Variants in CELF2 observed in about 807,000 individuals in gnomAD.
The protein encoded by CELF2 is CUGBP Elav-like family member 2, also known as CUG triplet repeat RNA-binding protein 2.
CELF2 carries 8 observed loss-of-function variants against 62.6 expected under a neutral mutation model. That is an observed-to-expected ratio of 0.13 (90% confidence interval 0.07 to 0.23). The LOEUF is 0.23. Among genes scored for constraint, CELF2 ranks in the 10% least tolerant of loss-of-function variants. The pLI is 1.00. For missense variants in CELF2, 333 were observed against 671.0 expected (o/e 0.50, Z 5.56); for synonymous variants, 258 against 250.0 (o/e 1.03, Z -0.30).
At chr10:11,028,671 G>C (rs1368951197) in intron 1 of CELF2, among the ~76,000 whole-genome samples, 1 of 145,896 alleles carries the variant, frequency 6.9e-6, no homozygotes, top group Non-Finnish European at 1.5e-5. Context: ...CACCTGCCTT[G>C]GCTTCCCAAA....
At chr10:10,791,137 A>G in the CELF2 span, among the ~76,000 whole-genome samples, 1 of 152,206 alleles carries the variant, frequency 6.6e-6, no homozygotes, top group African/African-American at 2.4e-5. Flanking sequence ...CTTTCTACTT[A>G]CAACTCTGTC....
chr10:11,228,475 A>T (rs1238810872), intron 3 of CELF2, among the ~76,000 whole-genome samples: 2 of 152,218 alleles, frequency 1.3e-5, no homozygotes. Context: ...AGTATCTTTT[A>T]TGGGTAATAA....
At chr10:10,467,883 A>G in the CELF2 span, among the ~76,000 whole-genome samples, 4 of 152,098 alleles carry the variant, frequency 2.6e-5, no homozygotes, top group Admixed American at 2.0e-4. Context: ...TGTAAACTTT[A>G]TTTCTCAACA....
rs534164651 is a variant in CELF2, at chr10:11,237,978, C to T, written c.355-11175C>T. ...AATGAGCCACCAGGTAATTAAACCA[C>T]GCCTTTAGTCGCCTTTAATGGCCAG... is the stretch of plus-strand genomic sequence containing the variant. On this transcript the variant is annotated intron_variant, in intron 3 of 12. Transcript: ENST00000633077. This position sits in a 1 kb window ranked among gnomAD's most constrained non-coding sequence, Gnocchi z 4.0. 3.3e-5 allele frequency among the ~76,000 whole-genome samples: 5 copies of T among 152,322 alleles called. No homozygotes were observed. Among genetic ancestry groups the T allele is most frequent in the Admixed American group, 6.5e-5 (1 of 15,304 alleles).
chr10:10,726,865 G>A, the CELF2 span, among the ~76,000 whole-genome samples: 2 of 152,316 alleles, frequency 1.3e-5, no homozygotes, highest in East Asian at 1.9e-4. Flanking sequence ...GAGAAAAGAG[G>A]TTTAATTGGC....
At chr10:10,495,981 A>G in the CELF2 span, among the ~76,000 whole-genome samples, 6 of 152,258 alleles carry the variant, frequency 3.9e-5, no homozygotes, top group African/African-American at 1.2e-4. Flanking sequence ...AACATTTATT[A>G]TAATGTAAGT....
chr10:10,885,383 T>C (rs1330485977), intron 1 of CELF2, among the ~76,000 whole-genome samples: 1 of 151,880 alleles, frequency 6.6e-6, no homozygotes, highest in Non-Finnish European at 1.5e-5. Context: ...TTAAAAATTA[T>C]GTGAGAAATA....
At chr10:10,608,281 C>G in the CELF2 span, among the ~76,000 whole-genome samples, 1 of 152,162 alleles carries the variant, frequency 6.6e-6, no homozygotes, top group Non-Finnish European at 1.5e-5. Context: ...CAAGGAGCTG[C>G]TTGAATGAGA....
intron 2 of CELF2, among the ~76,000 whole-genome samples, chr10:10,963,475 G>A (rs2049780509): frequency 6.6e-6 from 1 of 152,176 alleles, no homozygotes; most frequent in South Asian, 2.1e-4. Flanking sequence ...GACGGTTAGA[G>A]CTTTCCGTGA....
intron 2 of CELF2, among the ~76,000 whole-genome samples, chr10:10,941,632 T>C (rs1055101553): frequency 1.3e-5 from 2 of 152,136 alleles, no homozygotes; most frequent in African/African-American, 4.8e-5. Context: ...GTCTCTTCCA[T>C]TTACTCAGTT....
At chr10:11,034,036 T>C (rs981787221) in intron 1 of CELF2, among the ~76,000 whole-genome samples, 1 of 152,240 alleles carries the variant, frequency 6.6e-6, no homozygotes, top group Non-Finnish European at 1.5e-5. Context: ...CTAAGTCTCA[T>C]ATAATGTGCT....
In CELF2 at chr10:11,319,749, A is replaced by G; in HGVS notation, c.1097-1440A>G. On this transcript the variant is annotated intron_variant, in intron 10 of 12. Coordinates refer to ENST00000633077, the MANE Select transcript of CELF2 (RefSeq NM_001326342.2). This position sits in a 1 kb window ranked among gnomAD's most constrained non-coding sequence, Gnocchi z 4.4. ...ACAGGAATACCCGAGGTGAGGCACA[A>G]TGACAGTCCTCCACTGTTAAGCTAT... 2.1e-6 allele frequency: 1 copy of G among 470,942 alleles called. No homozygotes were observed. Among genetic ancestry groups the G allele is most frequent in the South Asian group, 1.5e-5 (1 of 64,540 alleles). The allele number at this position is 470,942 out of a possible 1,614,324, so 29.2% of individuals were successfully genotyped here.
At chr10:11,158,214 C>T (rs2064949473) in intron 1 of CELF2, among the ~76,000 whole-genome samples, 3 of 152,148 alleles carry the variant, frequency 2.0e-5, no homozygotes, top group African/African-American at 7.2e-5. Flanking sequence ...CAGCCATTGG[C>T]AGGTAAGTCA....
chr10:10,704,840 C>T, the CELF2 span, among the ~76,000 whole-genome samples: 1 of 151,918 alleles, frequency 6.6e-6, no homozygotes, highest in South Asian at 2.1e-4. Context: ...TTAGAATGCT[C>T]ACCCACCCCA....
At chr10:10,744,360 C>A in the CELF2 span, among the ~76,000 whole-genome samples, 2 of 152,220 alleles carry the variant, frequency 1.3e-5, no homozygotes, top group Non-Finnish European at 2.9e-5. Flanking sequence ...ATCTTTAGGT[C>A]ATAAATTAAC....
At chr10:10,884,340 A>G (rs908613098) in intron 1 of CELF2, among the ~76,000 whole-genome samples, 4 of 152,174 alleles carry the variant, frequency 2.6e-5, no homozygotes, top group African/African-American at 9.7e-5. Flanking sequence ...CCACTGTCAG[A>G]AGTGGTTTGG....
At chr10:10,945,589 A>T (rs201064) in intron 2 of CELF2, among the ~76,000 whole-genome samples, 83,541 of 152,112 alleles carry the variant, frequency 0.55, 24,920 homozygotes, top group East Asian at 0.8. Context: ...GGTGAAATCC[A>T]TGTTTAGCCA....
intron 2 of CELF2, among the ~76,000 whole-genome samples, chr10:11,179,495 G>A (rs1455482739): frequency 1.3e-5 from 2 of 152,172 alleles, no homozygotes; most frequent in African/African-American, 2.4e-5. Context: ...CAGATTGAAC[G>A]AATGAAGTAA....
At chr10:10,532,208 G>A in the CELF2 span, among the ~76,000 whole-genome samples, 6 of 152,204 alleles carry the variant, frequency 3.9e-5, no homozygotes, top group African/African-American at 1.2e-4. Context: ...TTCATTTGAC[G>A]CTACTGTAAA....
Sources: allele counts gnomAD v4.1 joint callset (sites outside exome capture counted in the v4.1 genomes callset), GRCh38; gene constraint gnomAD v4.1.1; non-coding constraint Gnocchi (gnomAD v3.1); transcripts MANE v1.5; gene names NCBI Gene and HGNC (gene_info 2026-07-23, HGNC 2026-07-21).